The following VPS13D variants were observed in gnomAD, a reference collection of about 807,000 sequenced individuals.
VPS13D encodes the protein vacuolar protein sorting 13 homolog D, also known as intermembrane lipid transfer protein VPS13D.
In VPS13D, 187 loss-of-function variants were observed where a neutral mutation model predicts 461.9. The ratio of observed to expected loss-of-function variants is 0.40; its 90% confidence interval spans 0.36 to 0.46. The LOEUF (loss-of-function observed/expected upper bound fraction) is 0.46. VPS13D is among the 20% of genes least tolerant of loss of function. The probability of loss-of-function intolerance (pLI) is 0.60; values close to 1 mark genes in which losing one functional copy is unlikely to be tolerated. For synonymous variants in VPS13D, 1,951 were observed against 1,986.3 expected (o/e 0.98, Z 0.47); for missense variants, 4,711 against 5,364.9 (o/e 0.88, Z 3.81).
rs1415552807 is a variant in VPS13D, at chr1:12,273,073, A to C, written c.2174A>C (p.Lys725Thr). Residue 725 changes from lysine to threonine, a missense_variant, in exon 18 of 70, where the codon AAA becomes ACA. Lys to Thr is a moderately conservative substitution (Grantham distance 78). Around this residue, in one of 3 missense-constraint regions of VPS13D, gnomAD observed 4,411 missense variants for 4,937.8 expected, o/e 0.89. Transcript: ENST00000620676. ...APQVIFPDDFKFKNPVLVVVD... is the reference protein window; with the variant it reads ...APQVIFPDDFTFKNPVLVVVD... Reference sequence around the variant, plus strand: ...CAGGTGATATTTCCTGATGATTTCAAATTCAAGAATCCTGTGTTAGTTGTC... The same window carrying C: ...CAGGTGATATTTCCTGATGATTTCACATTCAAGAATCCTGTGTTAGTTGTC... The C allele has an allele frequency of 1.2e-6, 2 of 1,614,176 alleles. No individual in the cohort carries two copies. Among genetic ancestry groups the C allele is most frequent in the Non-Finnish European group, 8.5e-7 (1 of 1,180,008 alleles).
At chr1:12,405,363 G>T (rs571803511) in intron 63 of VPS13D, among the ~76,000 whole-genome samples, 1 of 152,322 alleles carries the variant, frequency 6.6e-6, no homozygotes, top group Admixed American at 6.5e-5. Context: ...CAAAACACAT[G>T]TGTGGGCCTC....
intron 32 of VPS13D, among the ~76,000 whole-genome samples, chr1:12,319,957 C>T (rs1017236656): frequency 2.0e-5 from 3 of 152,240 alleles, no homozygotes; most frequent in Non-Finnish European, 4.4e-5. Context: ...CTGCAGACCT[C>T]GTCCATGAAG....
At chr1:12,259,895 G>A (rs2101281336) in intron 10 of VPS13D, among the ~76,000 whole-genome samples, 1 of 152,252 alleles carries the variant, frequency 6.6e-6, no homozygotes, top group African/African-American at 2.4e-5. Context: ...CTGGGTTTCA[G>A]GAAGAGCGAT....
chr1:12,472,600 T>C (rs977171939), intron 67 of VPS13D, among the ~76,000 whole-genome samples: 2 of 152,236 alleles, frequency 1.3e-5, no homozygotes, highest in African/African-American at 4.8e-5. Context: ...TTCTAAAATA[T>C]TGTTGACACC....
chr1:12,480,543 T>G (rs1369266574), intron 67 of VPS13D, among the ~76,000 whole-genome samples: 1 of 152,236 alleles, frequency 6.6e-6, no homozygotes, highest in Non-Finnish European at 1.5e-5. Flanking sequence ...TAACTTACGA[T>G]CTGGACTCCA....
intron 67 of VPS13D, 198 bp from the exon 68 acceptor site, chr1:12,497,302 A>C: frequency 2.1e-6 from 1 of 480,178 alleles, no homozygotes; most frequent in Non-Finnish European, 3.4e-6. Context: ...AGAAAATGGT[A>C]GAGGCAGGAT....
chr1:12,288,440 T>C, intron 22 of VPS13D, 127 bp downstream of exon 22: 1 of 798,732 alleles, frequency 1.3e-6, no homozygotes, highest in Non-Finnish European at 2.1e-6. Context: ...TGGTTATTAG[T>C]CTGGCCAGGA....
chr1:12,319,218 G>A lies in VPS13D; in HGVS notation c.7415-279G>A, dbSNP rs547262214. ...TCCTAGGCCTCCCAGGAGAACTGGG[G>A]TGCAGTTTCTCTGTCTAGTTTAGAA... On this transcript the variant is annotated intron_variant, in intron 31 of 69. Transcript: ENST00000620676. Among the ~76,000 whole-genome samples the A allele has an allele frequency of 5.9e-5, 9 of 152,300 alleles. No individual in the cohort carries two copies. The South Asian group carries it at 1.5e-3, about 25-fold the overall frequency.
At chr1:12,361,457 G>C (rs1033049746) in intron 50 of VPS13D, among the ~76,000 whole-genome samples, 21 of 146,890 alleles carry the variant, frequency 1.4e-4, no homozygotes, top group African/African-American at 5.1e-4. Flanking sequence ...GTGCAGTGGC[G>C]GGATCTCGGC....
At position 12,416,747 on chromosome 1, in the gene VPS13D, G is replaced by A. The variant is rs762731759; in HGVS notation, c.12253G>A (p.Val4085Ile). The change falls in exon 65 of 70, where the codon GTT becomes ATT. Residue 4085 changes from valine to isoleucine, a missense_variant. Around this residue, in one of 3 missense-constraint regions of VPS13D, gnomAD observed 106 missense variants for 206.2 expected, o/e 0.51. Coordinates refer to ENST00000620676, the MANE Select transcript of VPS13D (RefSeq NM_015378.4). ...GCTTTTGAATGATGTTTCTGAAGGG[G>A]TTACTGGACTGATAAAATATGGAAA... ...MGLLNDVSEG[V>I]TGLIKYGNVG... The A allele has an allele frequency of 1.2e-6, 2 of 1,614,052 alleles. No homozygotes were observed. Among genetic ancestry groups the A allele is most frequent in the South Asian group, 2.2e-5 (2 of 91,078 alleles).
chr1:12,500,773 G>A (rs999539175), intron 68 of VPS13D, among the ~76,000 whole-genome samples: 1 of 150,800 alleles, frequency 6.6e-6, no homozygotes, highest in African/African-American at 2.4e-5. Context: ...AGGCTGGTCC[G>A]AACTCCTGGC....
chr1:12,372,965 T>G (rs1644142652), intron 54 of VPS13D, among the ~76,000 whole-genome samples: 1 of 152,042 alleles, frequency 6.6e-6, no homozygotes. Flanking sequence ...GGAAGTTGAT[T>G]GGAACCCTTT....
In VPS13D at chr1:12,318,301, A is replaced by G. The variant is rs1642943391; in HGVS notation, c.7378A>G (p.Asn2460Asp). The G allele has an allele frequency of 6.2e-7, 1 of 1,612,600 alleles. No individual in the cohort carries two copies. The highest frequency in any genetic ancestry group is 8.5e-7 in the Non-Finnish European group (1 of 1,178,632). ...CAAGCGGTCTTCCCTTCCTGTGTCCAATGAAAGGCACCTGGAGGTCAAGGT... is the reference window on the plus strand; with the variant it reads ...CAAGCGGTCTTCCCTTCCTGTGTCCGATGAAAGGCACCTGGAGGTCAAGGT... Reference protein sequence around the residue: ...VTKRSSLPVSNERHLEVKVNV... With the variant: ...VTKRSSLPVSDERHLEVKVNV... Residue 2460 changes from asparagine to aspartate, a missense_variant, in exon 31 of 70, where the codon AAT becomes GAT. This residue lies in a region of VPS13D where 4,411 missense variants were observed against 4,937.8 expected (regional missense o/e 0.89). Transcript: ENST00000620676.
chr1:12,384,322 G>T (rs1312681559), intron 58 of VPS13D, among the ~76,000 whole-genome samples: 1 of 152,154 alleles, frequency 6.6e-6, no homozygotes, highest in East Asian at 1.9e-4. Context: ...CCAAGGTTCT[G>T]ATTTGGGCAA....
At chr1:12,498,768 A>C (rs1645994817) in intron 68 of VPS13D, among the ~76,000 whole-genome samples, 1 of 152,184 alleles carries the variant, frequency 6.6e-6, no homozygotes, top group Non-Finnish European at 1.5e-5. Context: ...CCTGGCTTGC[A>C]GATAGCCCTC....
chr1:12,411,923 T>A (rs1005852813), intron 63 of VPS13D, among the ~76,000 whole-genome samples: 5 of 152,154 alleles, frequency 3.3e-5, no homozygotes, highest in African/African-American at 1.2e-4. Context: ...AGCTCCAAGC[T>A]CTCTTGAGGC....
At chr1:12,271,328 G>A (rs1318563674) in intron 17 of VPS13D, among the ~76,000 whole-genome samples, 1 of 152,200 alleles carries the variant, frequency 6.6e-6, no homozygotes, top group African/African-American at 2.4e-5. Flanking sequence ...ATGAATGACT[G>A]TGACTAGATT....
At chr1:12,245,281 G>A (rs998310386) in intron 5 of VPS13D, among the ~76,000 whole-genome samples, 1 of 152,200 alleles carries the variant, frequency 6.6e-6, no homozygotes, top group African/African-American at 2.4e-5. Context: ...GTTTCTTGCA[G>A]TGCCAATGTG....
At chr1:12,467,555 A>G (rs1277055411) in intron 67 of VPS13D, among the ~76,000 whole-genome samples, 4 of 152,202 alleles carry the variant, frequency 2.6e-5, no homozygotes, top group Non-Finnish European at 5.9e-5. Flanking sequence ...AAGCAGAGAA[A>G]TCTTATTTTC....
Sources: gnomAD v4.1 joint callset for allele counts (sites outside exome capture counted in the v4.1 genomes callset) on GRCh38, gnomAD v4.1.1 for gene constraint, gnomAD v4.1.1 regional missense constraint, MANE v1.5 for transcripts, NCBI Gene and HGNC (gene_info 2026-07-23, HGNC 2026-07-21) for gene names.